Variants in DSCAM observed in about 807,000 individuals in gnomAD.
The protein encoded by DSCAM is DS cell adhesion molecule.
Under a neutral mutation model 217.7 loss-of-function variants are expected in DSCAM, and 47 were observed. The ratio of observed to expected loss-of-function variants is 0.22; its 90% CI spans 0.17 to 0.28. DSCAM has a LOEUF of 0.28. Among genes scored for constraint, DSCAM ranks in the 10% least tolerant of loss-of-function variants. The probability of loss-of-function intolerance (pLI) is 1.00; values close to 1 mark genes in which losing one functional copy is unlikely to be tolerated. For missense variants in DSCAM, 2,080 were observed against 2,618.3 expected (o/e 0.79, Z 4.49); for synonymous variants, 1,056 against 1,015.3 (o/e 1.04, Z -0.76).
chr21:40,717,154 C>G (rs1364920739), intron 1 of DSCAM, among the ~76,000 whole-genome samples: 2 of 152,168 alleles, frequency 1.3e-5, no homozygotes, highest in Non-Finnish European at 2.9e-5. Context: ...TTCTTAGATT[C>G]ATTTATCTTG....
In DSCAM at chr21:40,358,683, T is replaced by C. The variant is rs1033230215; in HGVS notation, c.656-4940A>G. 2.0e-5 allele frequency among the ~76,000 whole-genome samples: 3 copies of C among 151,650 alleles called. No homozygotes were observed. In the South Asian group the frequency reaches 6.2e-4, roughly 32 times the overall value. On this transcript the variant is annotated intron_variant, in intron 4 of 32. Coordinates refer to ENST00000400454, the MANE Select transcript of DSCAM (RefSeq NM_001389.5). ...TTAGCCAGGTGTGGTGGCATGAGCC[T>C]GTAATCCCAGCTACAGGCAGAGGCA...
chr21:40,072,964 C>T (rs1299985874), intron 27 of DSCAM, among the ~76,000 whole-genome samples: 2 of 152,182 alleles, frequency 1.3e-5, no homozygotes, highest in Non-Finnish European at 2.9e-5. Context: ...GGGAGGCCAA[C>T]AATAAAAATG....
chr21:40,381,656 C>A (rs1265234163), intron 3 of DSCAM, among the ~76,000 whole-genome samples: 1 of 152,186 alleles, frequency 6.6e-6, no homozygotes, highest in East Asian at 1.9e-4. Flanking sequence ...CTACCTGATA[C>A]AGATGGCATA....
chr21:40,182,944 ACCGTGG>A (rs2090844509), intron 14 of DSCAM, among the ~76,000 whole-genome samples: 1 of 5,522 alleles, frequency 1.8e-4, no homozygotes, highest in Non-Finnish European at 3.3e-4. Context: ...CACCAGAGAA[ACCGTGG>A]ACAGGAGGGG....
chr21:40,551,087 G>C lies in DSCAM; in HGVS notation c.508+141723C>G, dbSNP rs185254945. On this transcript the variant is annotated intron_variant, in intron 3 of 32. Coordinates refer to ENST00000400454, the MANE Select transcript of DSCAM (RefSeq NM_001389.5). ...AAAAAGCCAAACTGAAATATTTAAA[G>C]AGGTTTATTCTGAGCCAAATACCAA... Among the ~76,000 whole-genome samples, 291 of 152,326 alleles carry C rather than the reference G, an allele frequency of 1.9e-3. 2 individuals carry two copies. Among genetic ancestry groups the C allele is most frequent in the South Asian group, 5.0e-3 (24 of 4,826 alleles).
chr21:40,581,451 C>A (rs1482685628), intron 3 of DSCAM, among the ~76,000 whole-genome samples: 2 of 152,164 alleles, frequency 1.3e-5, no homozygotes, highest in African/African-American at 4.8e-5. Flanking sequence ...ACAGCAGAGC[C>A]AGGTTTGCTT....
At position 40,300,876 on chromosome 21, in the gene DSCAM, T is replaced by G. The variant is rs190207083; in HGVS notation, c.2063-4702A>C. On this transcript the variant is annotated intron_variant, in intron 9 of 32. Coordinates refer to ENST00000400454, the MANE Select transcript of DSCAM (RefSeq NM_001389.5). ...ATGAGCTCCCAGGTGATGCTGAGGC[T>G]GCTGGTACAGAGACCACACTTCAAG... 1.8e-4 allele frequency among the ~76,000 whole-genome samples: 27 copies of G among 152,338 alleles called. 1 individual carries two copies. Among genetic ancestry groups the G allele is most frequent in the Non-Finnish European group, 3.5e-4 (24 of 68,034 alleles).
At chr21:40,515,251 G>C (rs1044119584) in intron 3 of DSCAM, among the ~76,000 whole-genome samples, 1 of 152,072 alleles carries the variant, frequency 6.6e-6, no homozygotes, top group Admixed American at 6.5e-5. Context: ...TAAAGCTATA[G>C]ACTACATTAA....
intron 3 of DSCAM, among the ~76,000 whole-genome samples, chr21:40,610,866 T>C (rs1024468345): frequency 1.3e-5 from 2 of 152,136 alleles, no homozygotes; most frequent in Non-Finnish European, 2.9e-5. Context: ...GATATGTTCA[T>C]TGCAAACCCT....
chr21:40,024,545 T>C (rs1282796739), intron 32 of DSCAM, among the ~76,000 whole-genome samples: 1 of 71,960 alleles, frequency 1.4e-5, no homozygotes, highest in Non-Finnish European at 2.9e-5. Context: ...TTTTATTTCG[T>C]TGAGCAGTGG....
chr21:40,018,637 G>C (rs911047993), intron 32 of DSCAM, among the ~76,000 whole-genome samples: 28 of 152,188 alleles, frequency 1.8e-4, no homozygotes, highest in African/African-American at 6.8e-4. Flanking sequence ...GAATGCGCAG[G>C]TCTTAGATTG....
intron 3 of DSCAM, among the ~76,000 whole-genome samples, chr21:40,431,627 T>C (rs964046002): frequency 3.3e-5 from 5 of 152,250 alleles, no homozygotes; most frequent in African/African-American, 1.2e-4. Flanking sequence ...GAATAATGTG[T>C]TCATTTCTCA....
intron 6 of DSCAM, among the ~76,000 whole-genome samples, chr21:40,340,519 T>G (rs2074479916): frequency 6.6e-6 from 1 of 152,192 alleles, no homozygotes; most frequent in African/African-American, 2.4e-5. Flanking sequence ...ATCAACACTG[T>G]GACACATTTT....
intron 3 of DSCAM, among the ~76,000 whole-genome samples, chr21:40,532,712 C>A (rs929683575): frequency 6.6e-6 from 1 of 151,990 alleles, no homozygotes; most frequent in African/African-American, 2.4e-5. Flanking sequence ...AGTACAGAGA[C>A]TCAAAGGAAA....
chr21:40,770,683 T>C (rs562327379), intron 1 of DSCAM, among the ~76,000 whole-genome samples: 18 of 152,306 alleles, frequency 1.2e-4, no homozygotes, highest in Admixed American at 4.6e-4. Context: ...ACTCACTTAA[T>C]TGTCACAACA....
intron 3 of DSCAM, among the ~76,000 whole-genome samples, chr21:40,541,494 T>C: frequency 6.6e-6 from 1 of 152,242 alleles, no homozygotes; most frequent in East Asian, 1.9e-4. Flanking sequence ...GTACCATTTA[T>C]TCTGGTTTAG....
chr21:40,802,515 C>A (rs539744151), intron 1 of DSCAM, among the ~76,000 whole-genome samples: 42 of 152,142 alleles, frequency 2.8e-4, no homozygotes, highest in Non-Finnish European at 5.7e-4. Flanking sequence ...AATGTTTACT[C>A]CCTCTGAAAC....
intron 3 of DSCAM, among the ~76,000 whole-genome samples, chr21:40,558,054 G>A (rs1167121471): frequency 2.1e-5 from 1 of 48,276 alleles, no homozygotes. Context: ...GATAATATAA[G>A]TATACTTCCA....
chr21:40,782,034 A>G (rs1157738941), intron 1 of DSCAM, among the ~76,000 whole-genome samples: 1 of 150,572 alleles, frequency 6.6e-6, no homozygotes, highest in Non-Finnish European at 1.5e-5. Flanking sequence ...AGCCAGGCGC[A>G]ATGGCGGGCG....
Sources: gnomAD v4.1 joint callset for allele counts (sites outside exome capture counted in the v4.1 genomes callset) on GRCh38, gnomAD v4.1.1 for gene constraint, MANE v1.5 for transcripts, NCBI Gene and HGNC (gene_info 2026-07-23, HGNC 2026-07-21) for gene names.